Variants in FRMD6 observed in about 807,000 individuals in gnomAD.
FRMD6 encodes the protein FERM domain-containing protein 6.
FRMD6 carries 37 observed loss-of-function variants against 73.2 expected under a neutral mutation model. That is an observed-to-expected ratio of 0.51 (90% CI 0.39 to 0.66). FRMD6 has a LOEUF of 0.66. FRMD6 is among the 30% of genes least tolerant of loss of function. The pLI is 0.00. For missense variants in FRMD6, 714 were observed against 780.5 expected, an observed-to-expected ratio of 0.91 and a Z score of 1.02; for synonymous variants, 273 against 282.2, an observed-to-expected ratio of 0.97 and a Z score of 0.33.
intron 1 of FRMD6, among the ~76,000 whole-genome samples, chr14:51,569,873 T>G (rs991026270): frequency 7.3e-5 from 11 of 151,586 alleles, no homozygotes; most frequent in African/African-American, 2.7e-4. Context: ...TGGAGTGCAG[T>G]GGCGCGATCT....
intron 2 of FRMD6, among the ~76,000 whole-genome samples, chr14:51,587,614 G>A (rs1337604945): frequency 6.6e-6 from 1 of 152,134 alleles, no homozygotes; most frequent in African/African-American, 2.4e-5. Context: ...GGGTGATCTA[G>A]AGGGCATTTT....
intron 1 of FRMD6, among the ~76,000 whole-genome samples, chr14:51,659,739 G>C (rs1385065995): frequency 6.6e-6 from 1 of 152,134 alleles, no homozygotes; most frequent in Non-Finnish European, 1.5e-5. Context: ...CATGTCTTTT[G>C]CTCATGTTCC....
intron 2 of FRMD6, among the ~76,000 whole-genome samples, chr14:51,621,467 C>T (rs1401009347): frequency 1.3e-5 from 2 of 152,212 alleles, no homozygotes; most frequent in African/African-American, 4.8e-5. Flanking sequence ...CAATCAGCAA[C>T]CCAAGGACAG....
At chr14:51,721,369 T>G (rs900560224) in intron 11 of FRMD6, among the ~76,000 whole-genome samples, 1 of 152,222 alleles carries the variant, frequency 6.6e-6, no homozygotes, top group African/African-American at 2.4e-5. Context: ...CCTGGCACTT[T>G]GGGAGGCCAA....
the FRMD6 span, among the ~76,000 whole-genome samples, chr14:51,458,757 C>T: frequency 1.1e-4 from 17 of 152,284 alleles, no homozygotes; most frequent in East Asian, 3.3e-3. Context: ...TCCAGTATGA[C>T]CAACTGTGGA....
intron 1 of FRMD6, among the ~76,000 whole-genome samples, chr14:51,652,414 C>T (rs1052856710): frequency 3.3e-5 from 5 of 152,230 alleles, no homozygotes; most frequent in African/African-American, 1.2e-4. Context: ...TCGCGGAGGT[C>T]CCCGGATCAC....
intron 1 of FRMD6, among the ~76,000 whole-genome samples, chr14:51,497,940 G>A (rs961961584): frequency 6.6e-6 from 1 of 152,068 alleles, no homozygotes; most frequent in African/African-American, 2.4e-5. Context: ...CTTAATACAG[G>A]ATTTCATAGC....
At chr14:51,539,304 G>T (rs1337947548) in intron 1 of FRMD6, among the ~76,000 whole-genome samples, 1 of 149,216 alleles carries the variant, frequency 6.7e-6, no homozygotes, top group Non-Finnish European at 1.5e-5. Context: ...TCCCTTTTGG[G>T]AAGCCATCAT....
chr14:51,666,245 T>C (rs1164540720), intron 1 of FRMD6, among the ~76,000 whole-genome samples: 2 of 152,248 alleles, frequency 1.3e-5, no homozygotes, highest in Non-Finnish European at 2.9e-5. Context: ...TCCCTAGTTC[T>C]GTCACATAGA....
At chr14:51,518,949 A>T (rs1477508521) in intron 1 of FRMD6, among the ~76,000 whole-genome samples, 1 of 152,222 alleles carries the variant, frequency 6.6e-6, no homozygotes, top group African/African-American at 2.4e-5. Flanking sequence ...TCATTCATGC[A>T]TGCATACAGT....
At chr14:51,700,533 A>G (rs1896242031) in intron 3 of FRMD6, among the ~76,000 whole-genome samples, 1 of 152,180 alleles carries the variant, frequency 6.6e-6, no homozygotes, top group Non-Finnish European at 1.5e-5. Context: ...TGTGTGGAAC[A>G]CGGACAAGAA....
the FRMD6 span, among the ~76,000 whole-genome samples, chr14:51,410,758 T>C: frequency 6.6e-6 from 1 of 152,248 alleles, no homozygotes; most frequent in African/African-American, 2.4e-5. Context: ...TACTTTTTTA[T>C]GTTCCAAAAA....
intron 1 of FRMD6, among the ~76,000 whole-genome samples, chr14:51,522,561 A>C (rs1387382694): frequency 6.6e-6 from 1 of 152,200 alleles, no homozygotes; most frequent in Non-Finnish European, 1.5e-5. Flanking sequence ...CACTTTTAAA[A>C]GAAAGTGCTC....
chr14:51,524,649 T>C (rs1885137173), intron 1 of FRMD6, among the ~76,000 whole-genome samples: 1 of 152,034 alleles, frequency 6.6e-6, no homozygotes, highest in Non-Finnish European at 1.5e-5. Flanking sequence ...CAAGAATAGG[T>C]TTAGAGACTC....
At chr14:51,398,341 G>T in the FRMD6 span, among the ~76,000 whole-genome samples, 2 of 151,994 alleles carry the variant, frequency 1.3e-5, no homozygotes, top group African/African-American at 4.8e-5. Flanking sequence ...TCATTTCGGT[G>T]CACATGTTCC....
At chr14:51,639,404 C>T (rs1891723171) in intron 2 of FRMD6, among the ~76,000 whole-genome samples, 1 of 151,022 alleles carries the variant, frequency 6.6e-6, no homozygotes, top group South Asian at 2.1e-4. Context: ...CACTGCACTC[C>T]AGCCTGGGTG....
the FRMD6 span, chr14:51,436,399 G>A: frequency 4.3e-6 from 2 of 467,796 alleles, no homozygotes; most frequent in Non-Finnish European, 8.1e-6. Flanking sequence ...TACTTGACCA[G>A]AGTCGAAGTG....
chr14:51,666,651 A>G (rs1893614217), intron 1 of FRMD6, among the ~76,000 whole-genome samples: 1 of 152,218 alleles, frequency 6.6e-6, no homozygotes, highest in African/African-American at 2.4e-5. Flanking sequence ...TTAACCTTAC[A>G]AACAAAAAGA....
chr14:51,478,039 G>GT, the FRMD6 span, among the ~76,000 whole-genome samples: 1 of 152,078 alleles, frequency 6.6e-6, no homozygotes, highest in Non-Finnish European at 1.5e-5. Flanking sequence ...CACCCAGACT[G>GT]TTTTTTTCTA....
Sources: allele counts gnomAD v4.1 joint callset (sites outside exome capture counted in the v4.1 genomes callset), GRCh38; gene constraint gnomAD v4.1.1; transcripts MANE v1.5; gene names NCBI Gene and HGNC (gene_info 2026-07-23, HGNC 2026-07-21).